Variants in MACROD2 observed in about 807,000 individuals in gnomAD.
MACROD2 encodes the protein mono-ADP ribosylhydrolase 2.
MACROD2 carries 36 observed loss-of-function variants against 70.4 expected under a neutral mutation model. That is an observed-to-expected ratio of 0.51 (90% CI 0.39 to 0.68). The LOEUF (loss-of-function observed/expected upper bound fraction) is 0.68. MACROD2 is among the 30% of genes least tolerant of loss of function. The pLI is 0.00. For missense variants in MACROD2, 496 were observed against 538.4 expected (o/e 0.92, Z 0.78); for synonymous variants, 172 against 178.8 (o/e 0.96, Z 0.30).
chr20:15,140,345 A>ATCT (rs1568596948), intron 5 of MACROD2, among the ~76,000 whole-genome samples: 1 of 122,014 alleles, frequency 8.2e-6, no homozygotes, highest in Non-Finnish European at 1.8e-5. Context: ...AAGGCCTATC[A>ATCT]GTACATTATA....
At chr20:15,394,036 T>C (rs1193246040) in intron 6 of MACROD2, among the ~76,000 whole-genome samples, 1 of 152,148 alleles carries the variant, frequency 6.6e-6, no homozygotes, top group African/African-American at 2.4e-5. Context: ...AGGGGAAACT[T>C]CTGGGATGGC....
rs150980379 is a variant in MACROD2, at chr20:14,012,766, A to G, written c.163+10362A>G. ...ACTTTTTTACTGTGATATGCAATTT[A>G]TTGGAGAGACAGACTGTTTACGCAG... is the stretch of plus-strand genomic sequence containing the variant. On this transcript the variant is annotated intron_variant, in intron 2 of 17. Transcript: ENST00000684519. 5.6e-4 allele frequency among the ~76,000 whole-genome samples: 86 copies of G among 152,358 alleles called. No individual in the cohort carries two copies. In the Middle Eastern group the frequency reaches 0.01, roughly 18 times the overall value.
At chr20:15,348,271 T>A (rs1251058523) in intron 6 of MACROD2, among the ~76,000 whole-genome samples, 1 of 152,210 alleles carries the variant, frequency 6.6e-6, no homozygotes, top group Non-Finnish European at 1.5e-5. Context: ...TCTGAGTCCC[T>A]GGGAAGAACC....
chr20:15,768,296 A>G (rs991596988), intron 8 of MACROD2, among the ~76,000 whole-genome samples: 1 of 152,234 alleles, frequency 6.6e-6, no homozygotes, highest in African/African-American at 2.4e-5. Flanking sequence ...GCCATACAGT[A>G]TAACCTATTG....
intron 6 of MACROD2, among the ~76,000 whole-genome samples, chr20:15,256,654 C>G (rs1043451559): frequency 1.3e-5 from 2 of 151,990 alleles, no homozygotes; most frequent in Middle Eastern, 3.4e-3. Flanking sequence ...ATGTTCCAGC[C>G]AGCAAAAATC....
intron 3 of MACROD2, among the ~76,000 whole-genome samples, chr20:14,128,616 CT>C (rs1195901507): frequency 6.6e-6 from 1 of 152,140 alleles, no homozygotes; most frequent in Non-Finnish European, 1.5e-5. Context: ...ATGAAACAGC[CT>C]TTTACTAGAC....
intron 8 of MACROD2, among the ~76,000 whole-genome samples, chr20:15,788,535 T>A (rs901423004): frequency 6.6e-6 from 1 of 152,216 alleles, no homozygotes; most frequent in Non-Finnish European, 1.5e-5. Flanking sequence ...GTGGAGTTAG[T>A]TTATGTAGTG....
chr20:15,198,584 GTAT>G lies in MACROD2; in HGVS notation c.419-31352_419-31350del, dbSNP rs1356204580. On this transcript the variant is annotated intron_variant, in intron 5 of 17. Coordinates refer to ENST00000684519, the MANE Select transcript of MACROD2 (RefSeq NM_001351661.2). ...TTTTCAATAAAATACTATATCATTA[GTAT>G]TATCCTGTGTAAACTTTCTCATAAT... Among the ~76,000 whole-genome samples the G allele has an allele frequency of 7.2e-5, 11 of 152,142 alleles. No homozygotes were observed. In the East Asian group the frequency reaches 1.9e-3, roughly 27 times the overall value.
chr20:14,655,262 A>G (rs1393650451), intron 4 of MACROD2, among the ~76,000 whole-genome samples: 1 of 151,938 alleles, frequency 6.6e-6, no homozygotes, highest in Non-Finnish European at 1.5e-5. Context: ...TAACAGTGTG[A>G]TAAATGCACT....
intron 5 of MACROD2, among the ~76,000 whole-genome samples, chr20:14,971,452 G>C (rs530124248): frequency 6.6e-6 from 1 of 151,740 alleles, no homozygotes; most frequent in African/African-American, 2.4e-5. Context: ...GTAAAGGGAG[G>C]GGGGGGACTC....
rs1319510490 is a variant in MACROD2 at position 15,379,472 on chromosome 20, T to C, written c.541-51933T>C. On this transcript the variant is annotated intron_variant, in intron 6 of 17. Coordinates refer to ENST00000684519, the MANE Select transcript of MACROD2 (RefSeq NM_001351661.2). The stretch of plus-strand genomic sequence containing the variant: ...GAAAATCCAGGGTTTGTTTTTTTTT[T>C]CCACCGAAACCTGTTCCAACCACAG... Among the ~76,000 whole-genome samples the C allele has an allele frequency of 2.6e-5, 4 of 152,168 alleles. No individual in the cohort carries two copies. The East Asian group carries it at 5.8e-4, about 22-fold the overall frequency.
chr20:15,452,487 T>TA (rs1219433622), intron 7 of MACROD2, among the ~76,000 whole-genome samples: 1 of 152,214 alleles, frequency 6.6e-6, no homozygotes, highest in Non-Finnish European at 1.5e-5. Flanking sequence ...GACAAATGCT[T>TA]ACTCTTTGTA....
At chr20:14,868,095 A>G (rs1159546050) in intron 5 of MACROD2, among the ~76,000 whole-genome samples, 3 of 152,006 alleles carry the variant, frequency 2.0e-5, no homozygotes, top group East Asian at 1.9e-4. Context: ...TGCCAAAAGG[A>G]CATTATCACT....
chr20:15,538,081 AAT>A (rs1207309965), intron 8 of MACROD2, among the ~76,000 whole-genome samples: 1 of 152,174 alleles, frequency 6.6e-6, no homozygotes, highest in Non-Finnish European at 1.5e-5. Flanking sequence ...TTGGAGGTCA[AAT>A]TGGGGAGTGG....
chr20:14,368,669 T>G (rs1222072252), intron 3 of MACROD2, among the ~76,000 whole-genome samples: 1 of 152,218 alleles, frequency 6.6e-6, no homozygotes, highest in Non-Finnish European at 1.5e-5. Flanking sequence ...AGCTATTTGT[T>G]TAATGACTTT....
intron 8 of MACROD2, among the ~76,000 whole-genome samples, chr20:15,562,244 G>T (rs142392767): frequency 6.6e-6 from 1 of 152,042 alleles, no homozygotes; most frequent in African/African-American, 2.4e-5. Context: ...GAGCAGCTAC[G>T]TGAGGATTTT....
intron 1 of MACROD2, among the ~76,000 whole-genome samples, chr20:13,997,866 C>T (rs1015277608): frequency 4.0e-5 from 6 of 151,756 alleles, no homozygotes; most frequent in Non-Finnish European, 8.8e-5. Flanking sequence ...ATATATTATA[C>T]CCCCAAGGAA....
In MACROD2 at chr20:15,168,181, C is replaced by T. The variant is rs537175061; in HGVS notation, c.419-61759C>T. Among the ~76,000 whole-genome samples the T allele has an allele frequency of 2.0e-5, 3 of 152,248 alleles. No homozygotes were observed. The East Asian group carries it at 5.8e-4, about 29-fold the overall frequency. On this transcript the variant is annotated intron_variant, in intron 5 of 17. Coordinates refer to ENST00000684519, the MANE Select transcript of MACROD2 (RefSeq NM_001351661.2). ...GGGACTAAACAATAATACTTCACAT[C>T]AGCGTGATGTGGTGGAGCGATCACT...
At chr20:14,079,688 T>A (rs2053964160) in intron 2 of MACROD2, among the ~76,000 whole-genome samples, 1 of 152,192 alleles carries the variant, frequency 6.6e-6, no homozygotes, top group Admixed American at 6.5e-5. Flanking sequence ...GAAAAATCAG[T>A]TTATAACCAA....
Sources: allele counts gnomAD v4.1 joint callset (sites outside exome capture counted in the v4.1 genomes callset), GRCh38; gene constraint gnomAD v4.1.1; transcripts MANE v1.5; gene names NCBI Gene and HGNC (gene_info 2026-07-23, HGNC 2026-07-21).